The following RGS6 variants were observed in gnomAD, a reference collection of about 807,000 sequenced individuals.
RGS6 encodes regulator of G protein signaling 6.
In RGS6, 30 loss-of-function variants were observed where a neutral mutation model predicts 78.5. The observed-to-expected ratio is 0.38, with a 90% confidence interval of 0.29 to 0.52. The LOEUF is 0.52. Among genes scored for constraint, RGS6 ranks in the 20% least tolerant of loss-of-function variants. The pLI, the probability that RGS6 is intolerant of heterozygous loss-of-function variation, is 0.85. For missense variants in RGS6, 495 were observed against 609.7 expected (o/e 0.81, Z 1.98); for synonymous variants, 206 against 206.0 (o/e 1.00, Z 0.00).
At chr14:72,127,081 T>C (rs2096212439) in intron 2 of RGS6, among the ~76,000 whole-genome samples, 1 of 152,192 alleles carries the variant, frequency 6.6e-6, no homozygotes, top group South Asian at 2.1e-4. Flanking sequence ...AATTGTCTTA[T>C]CAAAATATCC....
At chr14:72,150,875 C>T (rs555861318) in intron 2 of RGS6, among the ~76,000 whole-genome samples, 1 of 152,264 alleles carries the variant, frequency 6.6e-6, no homozygotes, top group South Asian at 2.1e-4. Flanking sequence ...CAATCCATGT[C>T]ACGTGGAAAA....
intron 3 of RGS6, among the ~76,000 whole-genome samples, chr14:72,373,972 TTATAGA>T (rs1444545163): frequency 4.6e-5 from 7 of 152,186 alleles, no homozygotes; most frequent in East Asian, 1.9e-4. Flanking sequence ...AATTTTGTAA[TTATAGA>T]TATAAACAAT....
At chr14:72,567,694 C>T (rs914666254), downstream of RGS6, among the ~76,000 whole-genome samples, 5 of 152,206 alleles carry the variant, frequency 3.3e-5, no homozygotes, top group Admixed American at 2.6e-4. Flanking sequence ...CCACCAGGGC[C>T]TCTGATGAGT....
At chr14:72,253,608 C>G (rs566543122) in intron 2 of RGS6, among the ~76,000 whole-genome samples, 1 of 152,200 alleles carries the variant, frequency 6.6e-6, no homozygotes, top group Admixed American at 6.5e-5. Flanking sequence ...GTTTGCCCAC[C>G]CCTGCCATAG....
At chr14:72,561,678 C>CTGTT (rs143289622) in intron 17 of RGS6, among the ~76,000 whole-genome samples, 1 of 152,336 alleles carries the variant, frequency 6.6e-6, no homozygotes, top group East Asian at 1.9e-4. Context: ...ATCCAGTTCA[C>CTGTT]TGTTTTAGTT....
intron 1 of RGS6, among the ~76,000 whole-genome samples, chr14:71,953,975 T>TG (rs1555399233): frequency 1.5e-4 from 22 of 146,094 alleles, no homozygotes; most frequent in Non-Finnish European, 3.0e-4. Flanking sequence ...GGGCGTTTTT[T>TG]TTTTTTTTTT....
At chr14:72,239,566 CCTGT>C (rs1567552061) in intron 2 of RGS6, among the ~76,000 whole-genome samples, 1 of 152,144 alleles carries the variant, frequency 6.6e-6, no homozygotes, top group African/African-American at 2.4e-5. Flanking sequence ...CCCGCTCATG[CCTGT>C]CTAACTACCT....
At chr14:72,281,424 C>G (rs564720096) in intron 2 of RGS6, among the ~76,000 whole-genome samples, 7 of 152,278 alleles carry the variant, frequency 4.6e-5, no homozygotes, top group Admixed American at 4.6e-4. Flanking sequence ...GCTGGGATTA[C>G]AGGAATGAGC....
intron 1 of RGS6, among the ~76,000 whole-genome samples, chr14:71,959,043 G>C (rs1322977553): frequency 1.3e-5 from 2 of 152,122 alleles, no homozygotes; most frequent in Non-Finnish European, 2.9e-5. Context: ...TGGCCTTTAG[G>C]GGTTGAGTGC....
At chr14:72,052,993 C>T (rs772732223) in intron 2 of RGS6, among the ~76,000 whole-genome samples, 2,883 of 105,974 alleles carry the variant, frequency 0.027, 91 homozygotes, top group Non-Finnish European at 0.033. Flanking sequence ...TTCTCTCTCT[C>T]TCTCTCTCTC....
At chr14:72,437,925 A>C (rs2095013658) in intron 3 of RGS6, among the ~76,000 whole-genome samples, 1 of 152,232 alleles carries the variant, frequency 6.6e-6, no homozygotes, top group Non-Finnish European at 1.5e-5. Context: ...AAACAAGTTT[A>C]AACTTGTTAT....
intron 2 of RGS6, among the ~76,000 whole-genome samples, chr14:72,225,975 TGTTATG>T: frequency 6.6e-6 from 1 of 152,352 alleles, no homozygotes; most frequent in African/African-American, 2.4e-5. Context: ...TTTTTGCTGC[TGTTATG>T]GTTAATTTTG....
At chr14:72,515,701 C>T (rs1366476972) in intron 14 of RGS6, 1 of 152,252 alleles carries the variant, frequency 6.6e-6, no homozygotes, top group African/African-American at 2.4e-5. Context: ...TTTCCATCAG[C>T]TCCGGTCATC....
Position 72,304,961 on chromosome 14 carries a change from T to G in RGS6, c.85-47134T>G, listed in dbSNP as rs545014956. Among the ~76,000 whole-genome samples the G allele has an allele frequency of 9.2e-5, 14 of 152,358 alleles. No homozygotes were observed. In the East Asian group the frequency reaches 2.7e-3, roughly 29 times the overall value. ...ACCAATTTAGACCCCCACAGGCAGC[T>G]GGACAGTCTATTTCCCCACATCCTC... is the stretch of plus-strand genomic sequence containing the variant. On this transcript the variant is annotated intron_variant, in intron 2 of 17. Transcript: ENST00000553525.
At chr14:72,429,636 G>A (rs780077524) in intron 3 of RGS6, among the ~76,000 whole-genome samples, 11 of 152,190 alleles carry the variant, frequency 7.2e-5, no homozygotes, top group Non-Finnish European at 1.0e-4. Context: ...ATGTGCTTAC[G>A]TGGCCTCCAG....
rs567478695 is a variant in RGS6 at position 72,164,420 on chromosome 14, G to C, written c.85-187675G>C. 2.0e-5 allele frequency among the ~76,000 whole-genome samples: 3 copies of C among 152,288 alleles called. No individual in the cohort carries two copies. In the East Asian group the frequency reaches 5.8e-4, roughly 29 times the overall value. On this transcript the variant is annotated intron_variant, in intron 2 of 17. Transcript: ENST00000553525. ...ACGGCAGCCCTGCCTGGCCAGCCAT[G>C]AGGTCGGGCGGAGAAAGGAAGCAAG...
intron 2 of RGS6, among the ~76,000 whole-genome samples, chr14:72,245,591 G>T (rs1411210548): frequency 2.0e-5 from 3 of 152,184 alleles, no homozygotes; most frequent in South Asian, 2.1e-4. Flanking sequence ...GGTGTTCCTT[G>T]CCCTCATTCC....
chr14:71,992,941 A>C (rs1319220332), intron 2 of RGS6, among the ~76,000 whole-genome samples: 1 of 152,196 alleles, frequency 6.6e-6, no homozygotes, highest in Non-Finnish European at 1.5e-5. Flanking sequence ...TCCATTGTTC[A>C]ATAAGAGCAT....
At chr14:72,179,505 G>T (rs1345455808) in intron 2 of RGS6, among the ~76,000 whole-genome samples, 3 of 152,196 alleles carry the variant, frequency 2.0e-5, no homozygotes, top group African/African-American at 7.2e-5. Flanking sequence ...TAGCCGCATG[G>T]CAGGGACAGG....
Sources: gnomAD v4.1 joint callset for allele counts (sites outside exome capture counted in the v4.1 genomes callset) on GRCh38, gnomAD v4.1.1 for gene constraint, MANE v1.5 for transcripts, NCBI Gene and HGNC (gene_info 2026-07-23, HGNC 2026-07-21) for gene names.